Variants in SLC7A2 observed in about 807,000 individuals in gnomAD.
The protein encoded by SLC7A2 is solute carrier family 7 member 2.
Under a neutral mutation model 58.9 loss-of-function variants are expected in SLC7A2, and 48 were observed. That is an observed-to-expected ratio of 0.82 (90% CI 0.65 to 1.04). The LOEUF (loss-of-function observed/expected upper bound fraction) is 1.04, where lower values mean the gene tolerates loss of function less well. SLC7A2 is among the 50% of genes least tolerant of loss of function. The probability of loss-of-function intolerance (pLI) is 0.00; values close to 1 mark genes in which losing one functional copy is unlikely to be tolerated. For synonymous variants in SLC7A2, 363 were observed against 314.5 expected (o/e 1.15, Z -1.63); for missense variants, 1,029 against 818.8 (o/e 1.26, Z -3.13).
In SLC7A2 at chr8:17,525,921, A is replaced by G. The variant is rs750194780; in HGVS notation, c.-22-17397A>G. Among the ~76,000 whole-genome samples, 48 of 152,190 alleles carry G rather than the reference A, an allele frequency of 3.2e-4. No homozygotes were observed. The Middle Eastern group carries it at 0.014, about 43-fold the overall frequency. ...TACACAAGCTTTACTTTTTGGTAGT[A>G]TTCATAGAATGTTTGTCTTTTTTCA... On this transcript the variant is annotated intron_variant, in intron 2 of 12. Coordinates refer to ENST00000494857, the MANE Select transcript of SLC7A2 (RefSeq NM_001370338.1).
chr8:17,546,800 C>T (rs746925243), intron 4 of SLC7A2, among the ~76,000 whole-genome samples: 2 of 152,118 alleles, frequency 1.3e-5, no homozygotes, highest in African/African-American at 4.8e-5. Context: ...AAATCTGTGG[C>T]ATCATCTTTT....
intron 2 of SLC7A2, among the ~76,000 whole-genome samples, chr8:17,520,298 G>A (rs917471007): frequency 6.6e-6 from 1 of 152,054 alleles, no homozygotes; most frequent in Non-Finnish European, 1.5e-5. Context: ...TGTATGTGGT[G>A]TATGTGTATA....
At chr8:17,536,733 G>A (rs1801682908) in intron 2 of SLC7A2, among the ~76,000 whole-genome samples, 1 of 152,190 alleles carries the variant, frequency 6.6e-6, no homozygotes, top group African/African-American at 2.4e-5. Context: ...GAATTCCCAG[G>A]AAATGTAGCA....
At chr8:17,502,408 G>C (rs897591612) in intron 2 of SLC7A2, 106 bp downstream of exon 2, 5 of 152,212 alleles carry the variant, frequency 3.3e-5, no homozygotes, top group Admixed American at 1.3e-4. Flanking sequence ...TATTAGAGAG[G>C]GAAGAGTTCT....
At chr8:17,560,281 C>T (rs935522130) in intron 9 of SLC7A2, 47 bp from the exon 10 acceptor site, 2 of 1,482,798 alleles carry the variant, frequency 1.3e-6, no homozygotes, top group African/African-American at 2.8e-5. Context: ...TCACTTGGGC[C>T]AAATGTCTAT....
At chr8:17,559,863 G>T (rs976552588) in intron 9 of SLC7A2, among the ~76,000 whole-genome samples, 5 of 152,132 alleles carry the variant, frequency 3.3e-5, no homozygotes, top group African/African-American at 1.2e-4. Context: ...AGATGAGCTT[G>T]TCTGGGTTTA....
At chr8:17,553,357 T>A (rs1802540376) in intron 7 of SLC7A2, among the ~76,000 whole-genome samples, 1 of 152,080 alleles carries the variant, frequency 6.6e-6, no homozygotes, top group Non-Finnish European at 1.5e-5. Flanking sequence ...GGCCTTGAGG[T>A]TTATTTTGAA....
intron 9 of SLC7A2, among the ~76,000 whole-genome samples, chr8:17,558,878 A>C (rs532449097): frequency 6.6e-6 from 1 of 152,366 alleles, no homozygotes; most frequent in East Asian, 1.9e-4. Flanking sequence ...TATTAATTTT[A>C]TGGAGAAATA....
intron 2 of SLC7A2, among the ~76,000 whole-genome samples, chr8:17,542,561 G>A (rs530809766): frequency 1.3e-5 from 2 of 152,146 alleles, no homozygotes; most frequent in Non-Finnish European, 2.9e-5. Context: ...TAAGGCGAGA[G>A]GATTGATTGA....
intron 1 of SLC7A2, among the ~76,000 whole-genome samples, chr8:17,500,835 CACACACACAG>C (rs1486868573): frequency 6.9e-6 from 1 of 144,666 alleles, no homozygotes; most frequent in Non-Finnish European, 1.5e-5. Flanking sequence ...CACACACACA[CACACACACAG>C]AATCCCAGCC....
intron 2 of SLC7A2, among the ~76,000 whole-genome samples, chr8:17,524,180 A>G (rs181622176): frequency 1.3e-5 from 2 of 152,210 alleles, no homozygotes; most frequent in Admixed American, 6.5e-5. Context: ...TACAACCACT[A>G]TGGAAAACAG....
At chr8:17,496,157 G>C (rs1350610605), upstream of SLC7A2, among the ~76,000 whole-genome samples, 16 of 152,154 alleles carry the variant, frequency 1.1e-4, no homozygotes, top group Non-Finnish European at 2.4e-4. Context: ...GCCGGGCATG[G>C]TGGCTCAAGC....
chr8:17,530,127 C>T lies in SLC7A2; in HGVS notation c.-22-13191C>T, dbSNP rs572879896. Among the ~76,000 whole-genome samples the T allele has an allele frequency of 1.3e-4, 20 of 152,218 alleles. No individual in the cohort carries two copies. The East Asian group carries it at 1.4e-3, about 10-fold the overall frequency. The stretch of plus-strand genomic sequence containing the variant: ...GCTAGCTTTTCCCTGCCTCCTACCC[C>T]GTGCTATATAAATAAGCCTGGTTTC... On this transcript the variant is annotated intron_variant, in intron 2 of 12. Transcript: ENST00000494857.
Position 17,565,173 on chromosome 8 carries a change from G to GTCTT in SLC7A2, c.*28_*31dup, listed in dbSNP as rs1563488987. On this transcript the variant is annotated 3_prime_UTR_variant, in exon 13 of 13. Transcript: ENST00000494857. ...ACTTGCAGGAGCAGAGCTGGTCATCGTCTTAGCATACATATCCTACACTGA... is the reference window on the plus strand; with the variant it reads ...ACTTGCAGGAGCAGAGCTGGTCATCGTCTTTCTTAGCATACATATCCTACACTGA... The GTCTT allele has an allele frequency of 1.3e-6, 2 of 1,559,718 alleles. No homozygotes were observed. Among genetic ancestry groups the GTCTT allele is most frequent in the African/African-American group, 2.7e-5 (2 of 73,518 alleles).
upstream of SLC7A2, among the ~76,000 whole-genome samples, chr8:17,496,239 T>C (rs750769231): frequency 6.6e-5 from 10 of 152,170 alleles, no homozygotes; most frequent in Admixed American, 1.3e-4. Flanking sequence ...GGAGGATAGC[T>C]TGAGCCCAGG....
intron 7 of SLC7A2, 152 bp downstream of exon 7, chr8:17,552,138 C>T: frequency 3.1e-6 from 2 of 647,018 alleles, no homozygotes; most frequent in Non-Finnish European, 5.4e-6. Flanking sequence ...TCAGAATTTC[C>T]ACATAAAAAT....
chr8:17,513,291 T>C (rs1483544415), intron 2 of SLC7A2, among the ~76,000 whole-genome samples: 1 of 152,230 alleles, frequency 6.6e-6, no homozygotes, highest in Non-Finnish European at 1.5e-5. Context: ...TCCCAATTTC[T>C]GCATATCCTC....
Position 17,564,172 on chromosome 8 carries a change from G to A in SLC7A2, c.1780+461G>A, listed in dbSNP as rs919729067. ...ACAGTGACACGTGTAAAGCATGTCCGTGTCCTCTTTGTTAATACAGAGTGT... is the reference window on the plus strand; with the variant it reads ...ACAGTGACACGTGTAAAGCATGTCCATGTCCTCTTTGTTAATACAGAGTGT... On this transcript the variant is annotated intron_variant, in intron 12 of 12. Transcript: ENST00000494857. 7.9e-5 allele frequency among the ~76,000 whole-genome samples: 12 copies of A among 152,250 alleles called. 1 individual carries two copies. The highest frequency in any genetic ancestry group is 2.6e-4 in the African/African-American group (11 of 41,550).
At chr8:17,546,856 C>A (rs1802196267) in intron 4 of SLC7A2, among the ~76,000 whole-genome samples, 1 of 151,926 alleles carries the variant, frequency 6.6e-6, no homozygotes, top group African/African-American at 2.4e-5. Flanking sequence ...TTTCTTAGGT[C>A]CGTAATTCAA....
Sources: allele counts gnomAD v4.1 joint callset (sites outside exome capture counted in the v4.1 genomes callset), GRCh38; gene constraint gnomAD v4.1.1; transcripts MANE v1.5; gene names NCBI Gene and HGNC (gene_info 2026-07-23, HGNC 2026-07-21).